LRP1B: variants seen among roughly 807,000 people sequenced by gnomAD.
LRP1B encodes low-density lipoprotein receptor-related protein 1B.
LRP1B carries 217 observed loss-of-function variants against 556.6 expected under a neutral mutation model. The observed-to-expected ratio is 0.39, with a 90% CI of 0.35 to 0.44. LRP1B has a LOEUF of 0.44. Among genes scored for constraint, LRP1B ranks in the 20% least tolerant of loss-of-function variants. The pLI is 1.00. For synonymous variants in LRP1B, 2,047 were observed against 1,865.8 expected (o/e 1.10, Z -2.50); for missense variants, 5,053 against 5,620.8 (o/e 0.90, Z 3.23).
chr2:141,507,809 G>A (rs1263599393), intron 2 of LRP1B, among the ~76,000 whole-genome samples: 1 of 152,024 alleles, frequency 6.6e-6, no homozygotes, highest in African/African-American at 2.4e-5. Context: ...AAACAGTCTG[G>A]GTGTGGTGGC....
chr2:141,362,488 G>A (rs1277236221), intron 3 of LRP1B, among the ~76,000 whole-genome samples: 3 of 152,206 alleles, frequency 2.0e-5, no homozygotes, highest in African/African-American at 4.8e-5. Flanking sequence ...TGTGAGCAGC[G>A]AATGGCTAGA....
At chr2:141,571,302 G>T (rs1206881049) in intron 2 of LRP1B, among the ~76,000 whole-genome samples, 2 of 150,698 alleles carry the variant, frequency 1.3e-5, no homozygotes, top group Non-Finnish European at 3.0e-5. Context: ...CCAGCAAACT[G>T]CAGCAGCCCT....
intron 2 of LRP1B, among the ~76,000 whole-genome samples, chr2:141,779,107 T>C (rs543323385): frequency 6.6e-6 from 1 of 152,260 alleles, no homozygotes; most frequent in East Asian, 1.9e-4. Context: ...AAAATTGAAT[T>C]CAGAGAGGTT....
intron 43 of LRP1B, among the ~76,000 whole-genome samples, chr2:140,597,328 T>C (rs563796453): frequency 6.6e-6 from 1 of 152,226 alleles, no homozygotes; most frequent in South Asian, 2.1e-4. Flanking sequence ...ATAATTACCA[T>C]ACATAAGAAT....
At chr2:140,553,066 A>G (rs1033056750) in intron 43 of LRP1B, among the ~76,000 whole-genome samples, 1 of 152,110 alleles carries the variant, frequency 6.6e-6, no homozygotes, top group Non-Finnish European at 1.5e-5. Flanking sequence ...CAAACGATTT[A>G]AAAACCAGGA....
rs929068954 is a variant in LRP1B at position 142,091,771 on chromosome 2, T to A, written c.82+38877A>T. Among the ~76,000 whole-genome samples the A allele has an allele frequency of 2.6e-5, 4 of 152,308 alleles. No homozygotes were observed. In the East Asian group the frequency reaches 7.7e-4, roughly 29 times the overall value. ...TGGTCTAAGAAAGTCATGACTAGCATACTCACCCTTTCCAGAAATTCTCTT... is the reference window on the plus strand; with the variant it reads ...TGGTCTAAGAAAGTCATGACTAGCAAACTCACCCTTTCCAGAAATTCTCTT... On this transcript the variant is annotated intron_variant, in intron 1 of 90. Transcript: ENST00000389484.
intron 86 of LRP1B, among the ~76,000 whole-genome samples, chr2:140,267,853 CAT>C (rs1682281052): frequency 6.6e-6 from 1 of 151,880 alleles, no homozygotes; most frequent in African/African-American, 2.4e-5. Flanking sequence ...CCACAATTAA[CAT>C]ATTTTTTCCT....
intron 3 of LRP1B, among the ~76,000 whole-genome samples, chr2:141,457,627 T>A (rs1345122193): frequency 7.8e-6 from 1 of 128,452 alleles, no homozygotes; most frequent in Non-Finnish European, 1.7e-5. Flanking sequence ...GAGTTCAGAT[T>A]TGGTTCATGA....
intron 1 of LRP1B, among the ~76,000 whole-genome samples, chr2:142,061,932 GTGAA>G (rs1704934450): frequency 6.6e-6 from 1 of 151,754 alleles, no homozygotes; most frequent in Admixed American, 6.6e-5. Context: ...TTGTACCCTG[GTGAA>G]TGTCTCTCCA....
chr2:141,227,349 T>A (rs1379001266), intron 6 of LRP1B, among the ~76,000 whole-genome samples: 2 of 152,186 alleles, frequency 1.3e-5, no homozygotes, highest in Non-Finnish European at 2.9e-5. Flanking sequence ...TACATTTGGA[T>A]TAGTTGAGGT....
At chr2:141,286,728 ATGAATTTGTACAT>A (rs758069082) in intron 3 of LRP1B, 107 of 447,310 alleles carry the variant, frequency 2.4e-4, no homozygotes, top group African/African-American at 1.4e-3. Context: ...ATATTATTCA[ATGAATTTGTACAT>A]TGAATTTGTA....
intron 17 of LRP1B, among the ~76,000 whole-genome samples, chr2:140,985,329 T>G (rs1696887655): frequency 1.3e-5 from 2 of 151,322 alleles, no homozygotes; most frequent in African/African-American, 4.9e-5. Context: ...AAAAGTCTAA[T>G]TTTTAAATAC....
chr2:140,323,397 A>G (rs955608427), intron 81 of LRP1B, among the ~76,000 whole-genome samples: 1 of 151,960 alleles, frequency 6.6e-6, no homozygotes, highest in South Asian at 2.1e-4. Context: ...TTTAAGAATG[A>G]TAGTTACTTG....
In LRP1B at chr2:141,964,698, G is replaced by A. The variant is rs1388570664; in HGVS notation, c.83-154297C>T. Among the ~76,000 whole-genome samples, 3 of 150,528 alleles carry A rather than the reference G, an allele frequency of 2.0e-5. No individual in the cohort carries two copies. In the East Asian group the frequency reaches 5.9e-4, roughly 30 times the overall value. ...ACATAGGCGTGGGCAAGGACTTCAT[G>A]TCCAAAACACCAAAAGCAATGGCAA... On this transcript the variant is annotated intron_variant, in intron 1 of 90. Coordinates refer to ENST00000389484, the MANE Select transcript of LRP1B (RefSeq NM_018557.3).
At chr2:140,916,582 C>T (rs1206007750) in intron 21 of LRP1B, among the ~76,000 whole-genome samples, 1 of 152,150 alleles carries the variant, frequency 6.6e-6, no homozygotes, top group African/African-American at 2.4e-5. Context: ...AATAACACTA[C>T]TCTGGAACTT....
chr2:140,413,310 C>T (rs1443961003), intron 66 of LRP1B, among the ~76,000 whole-genome samples: 1 of 152,080 alleles, frequency 6.6e-6, no homozygotes, highest in Non-Finnish European at 1.5e-5. Context: ...TTGTATACTC[C>T]AGATGTATTA....
chr2:140,513,472 GAC>G (rs1360000502), intron 51 of LRP1B, among the ~76,000 whole-genome samples: 1 of 145,410 alleles, frequency 6.9e-6, no homozygotes, highest in East Asian at 2.0e-4. Context: ...AAGAGAAACA[GAC>G]AGTCATCTAA....
At chr2:141,258,219 C>T (rs991061652) in intron 3 of LRP1B, among the ~76,000 whole-genome samples, 3 of 152,160 alleles carry the variant, frequency 2.0e-5, no homozygotes, top group Non-Finnish European at 4.4e-5. Flanking sequence ...GAAGTGGTGG[C>T]TCACACTTAT....
Position 141,318,976 on chromosome 2 carries a change from C to CA in LRP1B, c.344-64336dup, listed in dbSNP as rs200786614. 6.1e-3 allele frequency among the ~76,000 whole-genome samples: 925 copies of CA among 152,070 alleles called. 11 individuals are homozygous for CA. Among genetic ancestry groups the CA allele is most frequent in the African/African-American group, 0.019 (770 of 41,508 alleles). On this transcript the variant is annotated intron_variant, in intron 3 of 90. Coordinates refer to ENST00000389484, the MANE Select transcript of LRP1B (RefSeq NM_018557.3). ...TTTTACTATAGCCTTCTTCATAATGCAAAAACAGTTCAGCAAAATTAAATT... is the reference window on the plus strand; with the variant it reads ...TTTTACTATAGCCTTCTTCATAATGCAAAAAACAGTTCAGCAAAATTAAATT...
Sources: gnomAD v4.1 joint callset for allele counts (sites outside exome capture counted in the v4.1 genomes callset) on GRCh38, gnomAD v4.1.1 for gene constraint, MANE v1.5 for transcripts, NCBI Gene and HGNC (gene_info 2026-07-23, HGNC 2026-07-21) for gene names.